Variants in REM1 observed in about 807,000 individuals in gnomAD.
The protein encoded by REM1 is GTP-binding protein REM 1.
Under a neutral mutation model 27.0 loss-of-function variants are expected in REM1, and 20 were observed. The observed-to-expected ratio is 0.74, with a 90% CI of 0.52 to 1.08. The LOEUF is 1.08. Ranked by LOEUF, REM1 falls within the 50% of genes least tolerant of loss-of-function variation. The pLI, the probability that REM1 is intolerant of heterozygous loss-of-function variation, is 0.00. For missense variants in REM1, 405 were observed against 407.0 expected (o/e 1.00, Z 0.04); for synonymous variants, 159 against 167.9 (o/e 0.95, Z 0.41).
chr20:31,476,430 C>T lies in REM1; in HGVS notation c.-16C>T, dbSNP rs199585581. 13 of 1,426,362 alleles carry T rather than the reference C, an allele frequency of 9.1e-6. No individual in the cohort carries two copies. The African/African-American group carries it at 1.0e-4, about 11-fold the overall frequency. The allele number at this position is 1,426,362 out of a possible 1,614,324, so 88.4% of individuals were successfully genotyped here. On this transcript the variant is annotated 5_prime_UTR_variant, in exon 2 of 5. Transcript: ENST00000201979. ...CAGAAGGAAAGAAGGAAGAAGCAAA[C>T]CCCCCCCTACCAAAGATGACACTCA...
rs201988649 is a variant in REM1, at chr20:31,477,820, G to A, written c.341-8G>A. Reference sequence around the variant, plus strand: ...CTCCCTGAGATCCAGCTCTTCCCTCGGTTGCAGAAGATGTATATGAGAGGA... The same window carrying A: ...CTCCCTGAGATCCAGCTCTTCCCTCAGTTGCAGAAGATGTATATGAGAGGA... On this transcript the variant is annotated splice_region_variant and splice_polypyrimidine_tract_variant and intron_variant, in intron 2 of 4. Coordinates refer to ENST00000201979, the MANE Select transcript of REM1 (RefSeq NM_014012.6). 561 of 1,609,758 alleles carry A rather than the reference G, an allele frequency of 3.5e-4. No homozygotes were observed. The highest frequency in any genetic ancestry group is 4.5e-4 in the Non-Finnish European group (528 of 1,177,984).
Position 31,482,331 on chromosome 20 carries a change from CTA to C in REM1, c.470_471del (p.Tyr157CysfsTer13). ...QESCLQGGSA[Y>X]VIVYSIADRG... The stretch of plus-strand genomic sequence containing the variant: ...AGTCATGCCTGCAGGGGGGCAGTGC[CTA>C]TGTCATCGTATACTCCATCGCAGAC... On this transcript the variant is annotated frameshift_variant, in exon 4 of 5. Transcript: ENST00000201979. LOFTEE classifies it high-confidence loss of function. 1.9e-6 allele frequency: 3 copies of C among 1,614,196 alleles called. No homozygotes were observed. Among genetic ancestry groups the C allele is most frequent in the Non-Finnish European group, 2.5e-6 (3 of 1,180,038 alleles).
chr20:31,483,170 C>G (rs1357527491), intron 4 of REM1, among the ~76,000 whole-genome samples: 1 of 152,110 alleles, frequency 6.6e-6, no homozygotes, highest in Non-Finnish European at 1.5e-5. Flanking sequence ...CATGGTGGTG[C>G]ACACCAGTAA....
rs759701941 is a variant in REM1 at position 31,484,399 on chromosome 20, C to G, written c.866C>G (p.Ser289Cys). 1.3e-6 allele frequency: 2 copies of G among 1,537,674 alleles called. No homozygotes were observed. Among genetic ancestry groups the G allele is most frequent in the Non-Finnish European group, 1.7e-6 (2 of 1,143,910 alleles). The change falls in exon 5 of 5, where the codon TCC becomes TGC. Residue 289 changes from serine to cysteine, a missense_variant. By Grantham distance (112) the Ser-to-Cys change is moderately radical. Transcript: ENST00000201979. The part of the protein sequence containing the change: ...SARRRALKAR[S>C]KSCHNLAVL ...CGCCGCCGGGCACTCAAGGCCCGCT[C>G]CAAGTCCTGCCACAATCTGGCCGTG...
At chr20:31,484,054 C>A in intron 4 of REM1, 105 bp from the exon 5 acceptor site, 3 of 1,289,904 alleles carry the variant, frequency 2.3e-6, no homozygotes, top group Non-Finnish European at 3.1e-6. Context: ...CAGGCATGAG[C>A]ACAGGAAAAA....
chr20:31,479,709 G>A (rs191400411), intron 3 of REM1, among the ~76,000 whole-genome samples: 1 of 152,180 alleles, frequency 6.6e-6, no homozygotes, highest in Non-Finnish European at 1.5e-5. Context: ...TGATATCAGA[G>A]AGGCTGAATC....
At position 31,482,243 on chromosome 20, in the gene REM1, C is replaced by T. The variant is rs762386064; in HGVS notation, c.424-44C>T. On this transcript the variant is annotated intron_variant, in intron 3 of 4. Transcript: ENST00000201979. ...CCAGCTCCACCTTCCTCAGCCAGGG[C>T]CTAGATACCCTCTGAGGATGGGTCT... 7 of 1,588,918 alleles carry T rather than the reference C, an allele frequency of 4.4e-6. No individual in the cohort carries two copies. The African/African-American group carries it at 9.4e-5, about 21-fold the overall frequency.
intron 4 of REM1, among the ~76,000 whole-genome samples, chr20:31,483,722 G>C (rs1345969332): frequency 2.0e-5 from 3 of 150,912 alleles, no homozygotes; most frequent in Non-Finnish European, 4.4e-5. Context: ...ACTAGAACTC[G>C]GGCTCAGTGG....
At position 31,482,485 on chromosome 20, in the gene REM1, G is replaced by A. The variant is rs2233833; in HGVS notation, c.622G>A (p.Glu208Lys). 3 of 1,613,914 alleles carry A rather than the reference G, an allele frequency of 1.9e-6. No individual in the cohort carries two copies. Among genetic ancestry groups the A allele is most frequent in the Non-Finnish European group, 1.7e-6 (2 of 1,179,942 alleles). ...GGCCCGCTGCCGAGAAGTCTCTGTG[G>A]AAGGTGAGCCCTCCATCCCACCACC... Reference protein sequence around the residue: ...DLARCREVSVEEGRACAVVFD... With the variant: ...DLARCREVSVKEGRACAVVFD... Residue 208 changes from glutamate (E) to lysine (K), a missense_variant, in exon 4 of 5, where the codon GAA becomes AAA. Transcript: ENST00000201979.
rs755640273 is a variant in REM1, at chr20:31,484,475, C to T, written c.*45C>T. ...AGTTGGCGGGTCACTGAGGTGCATT[C>T]TGGGCTCCAGGGACGCCACTGCGGG... On this transcript the variant is annotated 3_prime_UTR_variant, in exon 5 of 5. Coordinates refer to ENST00000201979, the MANE Select transcript of REM1 (RefSeq NM_014012.6). 11 of 1,442,018 alleles carry T rather than the reference C, an allele frequency of 7.6e-6. No individual in the cohort carries two copies. Among genetic ancestry groups the T allele is most frequent in the Non-Finnish European group, 7.3e-6 (8 of 1,096,132 alleles). 89.3% of individuals were successfully genotyped at this position (1,442,018 alleles called of 1,614,324 possible). A position where few individuals can be genotyped will look rare whatever the true frequency, so the allele number is the denominator to read the frequency against.
Position 31,483,651 on chromosome 20 carries a change from A to C in REM1, c.626-508A>C, listed in dbSNP as rs558137047. Among the ~76,000 whole-genome samples the C allele has an allele frequency of 5.9e-5, 9 of 152,210 alleles. No homozygotes were observed. In the South Asian group the frequency reaches 1.9e-3, roughly 32 times the overall value. ...CTTACTCACAGAGTAAAATCTAAAA[A>C]AATGTGTAAACTGAGACCCAGAAAG... On this transcript the variant is annotated intron_variant, in intron 4 of 4. Coordinates refer to ENST00000201979, the MANE Select transcript of REM1 (RefSeq NM_014012.6).
chr20:31,478,744 G>A (rs983129695), intron 3 of REM1, among the ~76,000 whole-genome samples: 1 of 152,006 alleles, frequency 6.6e-6, no homozygotes, highest in African/African-American at 2.4e-5. Flanking sequence ...AAAGACCAGA[G>A]CGGTTAAATA....
At position 31,477,884 on chromosome 20, in the gene REM1, G is replaced by T; in HGVS notation, c.397G>T (p.Val133Leu). 6.2e-7 allele frequency: 1 copy of T among 1,612,156 alleles called. No homozygotes were observed. The highest frequency in any genetic ancestry group is 1.1e-5 in the South Asian group (1 of 90,852). ...VDGEDTTLVVVDTWEAEKLDK... is the reference protein window; with the variant it reads ...VDGEDTTLVVLDTWEAEKLDK... Reference sequence around the variant, plus strand: ...TGGAGAAGACACCACACTGGTGGTCGTGGACACCTGGGAGGCCGAGAAACT... The same window carrying T: ...TGGAGAAGACACCACACTGGTGGTCTTGGACACCTGGGAGGCCGAGAAACT... The change falls in exon 3 of 5, where the codon GTG becomes TTG. Residue 133 changes from valine (V) to leucine (L), a missense_variant. Physicochemically the swap from Val to Leu is conservative, Grantham distance 32. Coordinates refer to ENST00000201979, the MANE Select transcript of REM1 (RefSeq NM_014012.6).
intron 3 of REM1, among the ~76,000 whole-genome samples, chr20:31,478,142 T>C (rs1980591683): frequency 6.6e-6 from 1 of 152,090 alleles, no homozygotes; most frequent in African/African-American, 2.4e-5. Flanking sequence ...TCTCAGAATG[T>C]ACTTCTCCCC....
In REM1 at chr20:31,484,792, T is replaced by TTTTTTTAATG; in HGVS notation, c.*362_*363insTTTTTTAATG. ...GCCCAGACCTCTCCATCTCGGCTCT[T>TTTTTTTAATG]CCAGGCGTCTCCACCTACTGCCCTC... On this transcript the variant is annotated 3_prime_UTR_variant, in exon 5 of 5. Transcript: ENST00000201979. 8.6e-6 allele frequency: 2 copies of TTTTTTTAATG among 232,500 alleles called. No individual in the cohort carries two copies. Among genetic ancestry groups the TTTTTTTAATG allele is most frequent in the Non-Finnish European group, 1.7e-5 (2 of 120,498 alleles). The allele number at this position is 232,500 out of a possible 1,614,324, so 14.4% of individuals were successfully genotyped here. A position where few individuals can be genotyped will look rare whatever the true frequency, so the allele number is the denominator to read the frequency against.
In REM1 at chr20:31,476,476, A is replaced by G. The variant is rs768077622; in HGVS notation, c.31A>G (p.Thr11Ala). The G allele has an allele frequency of 6.2e-7, 1 of 1,602,408 alleles. No homozygotes were observed. Among genetic ancestry groups the G allele is most frequent in the Non-Finnish European group, 8.5e-7 (1 of 1,174,380 alleles). The change falls in exon 2 of 5, where the codon ACC becomes GCC. Residue 11 changes from threonine (T) to alanine (A), a missense_variant. By Grantham distance (58) the Thr-to-Ala change is moderately conservative (BLOSUM62 0). Transcript: ENST00000201979. ...ACTCAACACCGAGCAGGAAGCAAAG[A>G]CCCCTCTGCACCGGCGAGCCAGCAC... MTLNTEQEAKTPLHRRASTPL... is the reference protein window; with the variant it reads MTLNTEQEAKAPLHRRASTPL...
At chr20:31,476,058 G>A (rs867855132) in intron 1 of REM1, among the ~76,000 whole-genome samples, 169 bp from the exon 2 acceptor site, 1 of 152,186 alleles carries the variant, frequency 6.6e-6, no homozygotes, top group African/African-American at 2.4e-5. Context: ...GCAGGTCCGT[G>A]TACACGGAAT....
chr20:31,477,761 C>T (rs2122470624), intron 2 of REM1, 67 bp from the exon 3 acceptor site: 1 of 1,184,152 alleles, frequency 8.4e-7, no homozygotes, highest in Non-Finnish European at 1.2e-6. Context: ...AAATGGGGGG[C>T]AGGGAACACC....
rs1156329834 is a variant in REM1 at position 31,484,378 on chromosome 20, G to A, written c.845G>A (p.Arg282His). The change falls in exon 5 of 5, where the codon CGC (arginine) becomes CAC (histidine). Residue 282 changes from arginine to histidine, a missense_variant. Coordinates refer to ENST00000201979, the MANE Select transcript of REM1 (RefSeq NM_014012.6). ...LARLTARSAR[R>H]RALKARSKSC... ...CGCCTGACAGCCCGCAGCGCACGCC[G>A]CCGGGCACTCAAGGCCCGCTCCAAG... The A allele has an allele frequency of 1.3e-6, 2 of 1,553,034 alleles. No homozygotes were observed. Among genetic ancestry groups the A allele is most frequent in the Admixed American group, 1.9e-5 (1 of 51,788 alleles).
Sources: allele counts gnomAD v4.1 joint callset (sites outside exome capture counted in the v4.1 genomes callset), GRCh38; gene constraint gnomAD v4.1.1; transcripts MANE v1.5; gene names NCBI Gene and HGNC (gene_info 2026-07-23, HGNC 2026-07-21).